The following GRIK4 variants were observed in gnomAD, a reference collection of about 807,000 sequenced individuals.
GRIK4 encodes the protein glutamate receptor ionotropic, kainate 4.
Under a neutral mutation model 104.9 loss-of-function variants are expected in GRIK4, and 40 were observed. The ratio of observed to expected loss-of-function variants is 0.38; its 90% CI spans 0.30 to 0.50. The LOEUF is 0.50. GRIK4 is among the 20% of genes least tolerant of loss of function. GRIK4 has a pLI of 0.93. For synonymous variants in GRIK4, 485 were observed against 524.9 expected, an observed-to-expected ratio of 0.92 and a Z score of 1.04; for missense variants, 1,047 against 1,308.1, an observed-to-expected ratio of 0.80 and a Z score of 3.08.
At chr11:120,692,535 G>C (rs1370894109) in intron 3 of GRIK4, among the ~76,000 whole-genome samples, 1 of 152,186 alleles carries the variant, frequency 6.6e-6, no homozygotes, top group Non-Finnish European at 1.5e-5. Flanking sequence ...CAGAACAGGA[G>C]CGGTGGAGGC....
At chr11:120,909,544 G>C (rs1042365320) in intron 13 of GRIK4, among the ~76,000 whole-genome samples, 1 of 152,104 alleles carries the variant, frequency 6.6e-6, no homozygotes, top group Non-Finnish European at 1.5e-5. Flanking sequence ...GTGGAACTTG[G>C]GGAAGAAAGA....
intron 6 of GRIK4, among the ~76,000 whole-genome samples, chr11:120,830,801 G>A (rs1406074038): frequency 6.6e-6 from 1 of 152,076 alleles, no homozygotes; most frequent in Non-Finnish European, 1.5e-5. Context: ...GGGAGCAAAC[G>A]CCTACGTGAT....
intron 9 of GRIK4, chr11:120,871,661 A>G (rs761218704): frequency 2.8e-5 from 13 of 456,164 alleles, no homozygotes; most frequent in Admixed American, 2.8e-4. Flanking sequence ...ACGGAGGCCG[A>G]GGGCAGTGGC....
rs1944275180 is a variant in GRIK4 at position 120,960,975 on chromosome 11, G to C, written c.1941G>C (p.Gln647His). The C allele has an allele frequency of 7.4e-6, 12 of 1,614,092 alleles. No homozygotes were observed. Among genetic ancestry groups the C allele is most frequent in the Non-Finnish European group, 1.0e-5 (12 of 1,179,952 alleles). The change falls in exon 17 of 21, where the codon CAG (glutamine) becomes CAC (histidine). Residue 647 changes from glutamine to histidine, a missense_variant. This residue lies in a region of GRIK4 where 440 missense variants were observed against 652.3 expected (regional missense o/e 0.67). Transcript: ENST00000527524. Reference sequence around the variant, plus strand: ...ACCTGGCAGCCTTCCTGACCGTGCAGCGCATGGATGTGCCCATTGAGTCAG... The same window carrying C: ...ACCTGGCAGCCTTCCTGACCGTGCACCGCATGGATGTGCCCATTGAGTCAG... ...TANLAAFLTV[Q>H]RMDVPIESVD...
At chr11:120,721,338 G>T (rs545195095) in intron 3 of GRIK4, among the ~76,000 whole-genome samples, 2 of 152,284 alleles carry the variant, frequency 1.3e-5, no homozygotes, top group South Asian at 2.1e-4. Context: ...AGTTTCAAGA[G>T]AATTAGAACC....
intron 19 of GRIK4, among the ~76,000 whole-genome samples, chr11:120,977,505 T>G (rs1391699939): frequency 1.3e-5 from 2 of 152,136 alleles, no homozygotes; most frequent in African/African-American, 4.8e-5. Flanking sequence ...CTCCGAACTC[T>G]CCCTTCCCAC....
At chr11:120,566,267 A>C (rs542432317) in intron 1 of GRIK4, among the ~76,000 whole-genome samples, 4 of 152,322 alleles carry the variant, frequency 2.6e-5, no homozygotes, top group African/African-American at 9.6e-5. Flanking sequence ...GATATTCTTT[A>C]TTCTGCTTTT....
intron 19 of GRIK4, among the ~76,000 whole-genome samples, chr11:120,976,695 A>G (rs143936746): frequency 6.6e-6 from 1 of 152,344 alleles, no homozygotes; most frequent in Non-Finnish European, 1.5e-5. Context: ...TCTGTTGACC[A>G]ATGTCAAAGA....
intron 20 of GRIK4, among the ~76,000 whole-genome samples, chr11:120,984,806 G>A (rs986676631): frequency 6.9e-6 from 1 of 145,828 alleles, no homozygotes; most frequent in Non-Finnish European, 1.5e-5. Flanking sequence ...CAAAAATGCA[G>A]GCCCATCTAT....
intron 6 of GRIK4, among the ~76,000 whole-genome samples, chr11:120,825,121 T>TCA (rs2135552535): frequency 6.6e-6 from 1 of 152,192 alleles, no homozygotes; most frequent in Non-Finnish European, 1.5e-5. Flanking sequence ...AGACAGGGTT[T>TCA]CACCATGTTG....
At chr11:120,615,160 C>T (rs973916491) in intron 1 of GRIK4, among the ~76,000 whole-genome samples, 1 of 152,114 alleles carries the variant, frequency 6.6e-6, no homozygotes, top group Non-Finnish European at 1.5e-5. Context: ...TGTTGTTATT[C>T]TTGTTTGCTA....
intron 3 of GRIK4, among the ~76,000 whole-genome samples, chr11:120,732,560 T>C (rs934269083): frequency 6.6e-6 from 1 of 152,238 alleles, no homozygotes; most frequent in African/African-American, 2.4e-5. Context: ...GCTTTTAGTA[T>C]GTTGTGTTTC....
At chr11:120,601,581 C>G (rs1948887463) in intron 1 of GRIK4, among the ~76,000 whole-genome samples, 1 of 148,858 alleles carries the variant, frequency 6.7e-6, no homozygotes, top group South Asian at 2.1e-4. Context: ...GGCTTTTTCT[C>G]ATTTGCAAGC....
intron 20 of GRIK4, among the ~76,000 whole-genome samples, chr11:120,983,015 C>A (rs1406108012): frequency 6.6e-6 from 1 of 152,132 alleles, no homozygotes; most frequent in South Asian, 2.1e-4. Flanking sequence ...CGTAGAGCTT[C>A]ATTTTACTTC....
chr11:120,987,273 C>G lies in GRIK4; in HGVS notation c.*1013C>G, dbSNP rs1378162995. On this transcript the variant is annotated 3_prime_UTR_variant, in exon 21 of 21. Transcript: ENST00000527524. Reference sequence around the variant, plus strand: ...TGGCCTTGGCTTCCGGTGGAACGTGCCGTTCACAGAGGCGGAAGGACTGGG... The same window carrying G: ...TGGCCTTGGCTTCCGGTGGAACGTGGCGTTCACAGAGGCGGAAGGACTGGG... 6.6e-6 allele frequency: 1 copy of G among 152,200 alleles called. No homozygotes were observed. Among genetic ancestry groups the G allele is most frequent in the East Asian group, 1.9e-4 (1 of 5,192 alleles). 9.4% of individuals were successfully genotyped at this position (152,200 alleles called of 1,614,324 possible).
intron 1 of GRIK4, among the ~76,000 whole-genome samples, chr11:120,650,574 C>T (rs1949603739): frequency 6.6e-6 from 1 of 152,206 alleles, no homozygotes; most frequent in Admixed American, 6.5e-5. Context: ...GCACCCTGAA[C>T]CATCCTGTTC....
chr11:120,765,706 ACAGT>A (rs1951825871), intron 3 of GRIK4, among the ~76,000 whole-genome samples: 3 of 152,122 alleles, frequency 2.0e-5, no homozygotes, highest in East Asian at 1.9e-4. Flanking sequence ...TTTCCTTCTA[ACAGT>A]CAGGCCTCTC....
In GRIK4 at chr11:120,819,723, T is replaced by C; in HGVS notation, c.346-32T>C. 2.5e-6 allele frequency: 4 copies of C among 1,609,126 alleles called. 1 individual carries two copies. The South Asian group carries it at 4.4e-5, about 18-fold the overall frequency. The stretch of plus-strand genomic sequence containing the variant: ...TCTTCCTTTTCACCCACCTGGATCC[T>C]CCCTGCTGTCCGTTTTTGCTCCTCT... On this transcript the variant is annotated intron_variant, in intron 5 of 20. Transcript: ENST00000527524. This position sits in a 1 kb window ranked among gnomAD's most constrained non-coding sequence, Gnocchi z 4.3.
intron 3 of GRIK4, among the ~76,000 whole-genome samples, chr11:120,785,585 A>T (rs981839856): frequency 6.6e-6 from 1 of 152,202 alleles, no homozygotes; most frequent in Non-Finnish European, 1.5e-5. Context: ...ATAGACCAAA[A>T]GGTGAACCTT....
Sources: allele counts gnomAD v4.1 joint callset (sites outside exome capture counted in the v4.1 genomes callset), GRCh38; gene constraint gnomAD v4.1.1; regional missense constraint gnomAD v4.1.1; non-coding constraint Gnocchi (gnomAD v3.1); transcripts MANE v1.5; gene names NCBI Gene and HGNC (gene_info 2026-07-23, HGNC 2026-07-21).